ZRANB3: variants seen among roughly 807,000 people sequenced by gnomAD.
ZRANB3 encodes zinc finger RANBP2-type containing 3.
Under a neutral mutation model 133.8 loss-of-function variants are expected in ZRANB3, and 125 were observed. The ratio of observed to expected loss-of-function variants is 0.93; its 90% CI spans 0.81 to 1.08. The LOEUF is 1.08. Ranked by LOEUF, ZRANB3 falls within the 50% of genes least tolerant of loss-of-function variation. ZRANB3 has a pLI of 0.00. For synonymous variants in ZRANB3, 387 were observed against 432.7 expected, an observed-to-expected ratio of 0.89 and a Z score of 1.31; for missense variants, 1,229 against 1,275.5, an observed-to-expected ratio of 0.96 and a Z score of 0.56.
At chr2:135,210,426 C>A (rs1694046910) in intron 17 of ZRANB3, among the ~76,000 whole-genome samples, 1 of 152,078 alleles carries the variant, frequency 6.6e-6, no homozygotes, top group Non-Finnish European at 1.5e-5. Context: ...CCTCCGCCTT[C>A]TGGTTCAAGC....
intron 2 of ZRANB3, among the ~76,000 whole-genome samples, chr2:135,500,809 C>T (rs1451678734): frequency 7.6e-6 from 1 of 131,700 alleles, no homozygotes; most frequent in Non-Finnish European, 1.6e-5. Flanking sequence ...GTTGGTTAAA[C>T]AGCAGATTAG....
intron 2 of ZRANB3, among the ~76,000 whole-genome samples, chr2:135,503,617 C>T (rs1197580336): frequency 6.6e-6 from 1 of 152,038 alleles, no homozygotes; most frequent in Non-Finnish European, 1.5e-5. Context: ...ATAAGGTACT[C>T]ATAAAACACA....
intron 2 of ZRANB3, among the ~76,000 whole-genome samples, chr2:135,413,319 G>C (rs72984495): frequency 0.069 from 10,501 of 152,154 alleles, 760 homozygotes; most frequent in African/African-American, 0.19. Flanking sequence ...GGTCTCTTTA[G>C]TGATTAAGCC....
intron 1 of ZRANB3, among the ~76,000 whole-genome samples, chr2:135,526,118 C>T: frequency 6.7e-6 from 1 of 150,078 alleles, no homozygotes; most frequent in Non-Finnish European, 1.5e-5. Flanking sequence ...ATAGCTATTG[C>T]ACAAGGTACA....
chr2:135,217,016 G>A (rs774958110), intron 17 of ZRANB3, among the ~76,000 whole-genome samples: 3 of 152,160 alleles, frequency 2.0e-5, no homozygotes, highest in African/African-American at 7.2e-5. Context: ...CATGATTATA[G>A]TTATCTTCCA....
chr2:135,306,350 C>A (rs1682700536), intron 8 of ZRANB3, among the ~76,000 whole-genome samples: 1 of 147,108 alleles, frequency 6.8e-6, no homozygotes, highest in South Asian at 2.2e-4. Context: ...TGCAGTGGTG[C>A]AATCTTGGCT....
At chr2:135,429,608 T>C (rs1001814028) in intron 2 of ZRANB3, among the ~76,000 whole-genome samples, 5 of 151,482 alleles carry the variant, frequency 3.3e-5, no homozygotes, top group African/African-American at 1.2e-4. Flanking sequence ...TGAGAAGTAG[T>C]GTGTGATGTG....
At chr2:135,377,569 G>C (rs1055665536) in intron 3 of ZRANB3, among the ~76,000 whole-genome samples, 1 of 152,194 alleles carries the variant, frequency 6.6e-6, no homozygotes, top group African/African-American at 2.4e-5. Context: ...AGGGACACAG[G>C]AGTGGGTTCC....
rs1693445078 is a variant in ZRANB3 at position 135,511,378 on chromosome 2, C to T, written c.-7-6882G>A. 5.0e-6 allele frequency: 4 copies of T among 800,988 alleles called. No homozygotes were observed. In the East Asian group the frequency reaches 9.8e-5, roughly 20 times the overall value. 49.6% of individuals were successfully genotyped at this position (800,988 alleles called of 1,614,324 possible). ...TCAGGCTCCAGTTCAGCAACTGGCT[C>T]CTCTAAATGTTCTTCCACGTCATTA... is the stretch of plus-strand genomic sequence containing the variant. On this transcript the variant is annotated intron_variant, in intron 1 of 20. Transcript: ENST00000264159.
At position 135,350,148 on chromosome 2, in the gene ZRANB3, T is replaced by G. The variant is rs1478809424; in HGVS notation, c.427A>C (p.Ile143Leu). 3 of 1,612,900 alleles carry G rather than the reference T, an allele frequency of 1.9e-6. No homozygotes were observed. The highest frequency in any genetic ancestry group is 1.6e-4 in the Middle Eastern group (1 of 6,080). ...GLLTADAKTL[I>L]DALNNQNFKV... ...AAGTTCTGATTATTCAGTGCATCTATCAAAGTCTTTGCATCTGCGGTTAAG... is the reference window on the plus strand; with the variant it reads ...AAGTTCTGATTATTCAGTGCATCTAGCAAAGTCTTTGCATCTGCGGTTAAG... The change falls in exon 5 of 21, where the codon ATA becomes CTA. Residue 143 changes from isoleucine (I) to leucine (L), a missense_variant. Transcript: ENST00000264159.
chr2:135,309,866 G>A (rs777818539), intron 8 of ZRANB3, among the ~76,000 whole-genome samples: 4 of 152,146 alleles, frequency 2.6e-5, no homozygotes, highest in African/African-American at 4.8e-5. Flanking sequence ...AAAAGCGAAG[G>A]ACCTACAAAA....
intron 19 of ZRANB3, among the ~76,000 whole-genome samples, chr2:135,206,983 G>T (rs546491354): frequency 6.6e-6 from 1 of 152,082 alleles, no homozygotes; most frequent in Admixed American, 6.5e-5. Context: ...TGGCCAATAT[G>T]GTGAAATCCC....
intron 6 of ZRANB3, among the ~76,000 whole-genome samples, chr2:135,336,389 T>G (rs942748531): frequency 1.3e-5 from 2 of 152,216 alleles, no homozygotes; most frequent in Non-Finnish European, 2.9e-5. Flanking sequence ...TAACCAAAAT[T>G]TGCATTCTGC....
At chr2:135,277,353 G>A (rs886141938) in intron 8 of ZRANB3, among the ~76,000 whole-genome samples, 1 of 152,148 alleles carries the variant, frequency 6.6e-6, no homozygotes, top group East Asian at 1.9e-4. Flanking sequence ...GTATACATGC[G>A]CAGAGCTTCT....
chr2:135,459,209 T>A (rs1489380657), intron 2 of ZRANB3, among the ~76,000 whole-genome samples: 1 of 152,222 alleles, frequency 6.6e-6, no homozygotes, highest in Non-Finnish European at 1.5e-5. Flanking sequence ...GCAGAAAGCA[T>A]AATCATTCGA....
intron 6 of ZRANB3, among the ~76,000 whole-genome samples, chr2:135,324,585 G>T (rs1326635117): frequency 6.6e-6 from 1 of 152,104 alleles, no homozygotes; most frequent in Non-Finnish European, 1.5e-5. Context: ...ATAATCCTTT[G>T]GGTATATACC....
chr2:135,243,149 C>G (rs978451345), intron 12 of ZRANB3, among the ~76,000 whole-genome samples: 6 of 152,206 alleles, frequency 3.9e-5, no homozygotes, highest in Non-Finnish European at 8.8e-5. Context: ...TCAGTCTCCA[C>G]AAGTTTTTGC....
At chr2:135,322,853 C>CTAAAAAT (rs1323792808) in intron 6 of ZRANB3, among the ~76,000 whole-genome samples, 1 of 151,862 alleles carries the variant, frequency 6.6e-6, no homozygotes, top group African/African-American at 2.4e-5. Flanking sequence ...CCCATCTCTA[C>CTAAAAAT]TAAAAATACA....
chr2:135,397,597 T>C (rs1394586790), intron 2 of ZRANB3, among the ~76,000 whole-genome samples: 1 of 152,240 alleles, frequency 6.6e-6, no homozygotes, highest in Non-Finnish European at 1.5e-5. Flanking sequence ...TTCTTAAAAC[T>C]TTTTAACCAG....
Sources: gnomAD v4.1 joint callset for allele counts (sites outside exome capture counted in the v4.1 genomes callset) on GRCh38, gnomAD v4.1.1 for gene constraint, MANE v1.5 for transcripts, NCBI Gene and HGNC (gene_info 2026-07-23, HGNC 2026-07-21) for gene names.